The following PTS variants were observed in gnomAD, a reference collection of about 807,000 sequenced individuals.
PTS encodes 6-pyruvoyltetrahydropterin synthase, also known as 6-pyruvoyl tetrahydrobiopterin synthase.
A neutral mutation model predicts 20.6 loss-of-function variants in PTS; 23 were observed. That is an observed-to-expected ratio of 1.12 (90% CI 0.80 to 1.58). The LOEUF is 1.58. Among genes scored for constraint, PTS ranks in the 40% most tolerant of loss-of-function variants. The pLI, the probability that PTS is intolerant of heterozygous loss-of-function variation, is 0.00. For missense variants in PTS, 186 were observed against 182.4 expected, an observed-to-expected ratio of 1.02 and a Z score of -0.11; for synonymous variants, 65 against 62.5, an observed-to-expected ratio of 1.04 and a Z score of -0.19.
intron 4 of PTS, among the ~76,000 whole-genome samples, chr11:112,231,358 G>T (rs1859928426): frequency 6.6e-6 from 1 of 152,156 alleles, no homozygotes; most frequent in Non-Finnish European, 1.5e-5. Flanking sequence ...TAGAATTCTT[G>T]CACTGTAAGA....
chr11:112,230,116 C>G, intron 2 of PTS, 92 bp from the exon 3 acceptor site: 1 of 1,214,700 alleles, frequency 8.2e-7, no homozygotes, highest in Non-Finnish European at 1.2e-6. Context: ...ATTTATGTTG[C>G]CAACTTGTGC....
At chr11:112,233,119 T>G in intron 4 of PTS, 44 bp from the exon 5 acceptor site, 1 of 1,555,404 alleles carries the variant, frequency 6.4e-7, no homozygotes, top group Non-Finnish European at 8.9e-7. Flanking sequence ...GGAATTTGAG[T>G]CGTAAATGGA....
intron 4 of PTS, 141 bp from the exon 5 acceptor site, chr11:112,233,022 C>T (rs1052944573): frequency 1.1e-6 from 1 of 871,282 alleles, no homozygotes; most frequent in African/African-American, 1.7e-5. Context: ...GTAAAGTTGC[C>T]TTGTAAGACT....
rs1213277062 is a variant in PTS at position 112,226,469 on chromosome 11, G to T, written c.26G>T (p.Arg9Leu). The T allele has an allele frequency of 1.3e-6, 2 of 1,581,080 alleles. No homozygotes were observed. Among genetic ancestry groups the T allele is most frequent in the Non-Finnish European group, 1.7e-6 (2 of 1,165,778 alleles). Residue 9 changes from arginine to leucine, a missense_variant, in exon 1 of 6, where the codon CGC becomes CTC. Physicochemically the swap from Arg to Leu is moderately radical, Grantham distance 102. Coordinates refer to ENST00000280362, the MANE Select transcript of PTS (RefSeq NM_000317.3). ...ATGAGCACGGAAGGTGGTGGCCGTC[G>T]CTGCCAGGCACAAGTGTCCCGCCGC... MSTEGGGR[R>L]CQAQVSRRIS...
chr11:112,228,872 A>C (rs1392656618), intron 2 of PTS, 199 bp downstream of exon 2: 2 of 610,510 alleles, frequency 3.3e-6, no homozygotes, highest in East Asian at 5.6e-5. Flanking sequence ...TGCAATGTCA[A>C]CTCTTACAAA....
intron 5 of PTS, 27 bp downstream of exon 5, chr11:112,233,260 G>A (rs1164664592): frequency 5.6e-6 from 9 of 1,599,928 alleles, no homozygotes; most frequent in African/African-American, 1.3e-5. Context: ...CTTGCCTTAT[G>A]TGGATTGTAA....
intron 3 of PTS, 34 bp from the exon 4 acceptor site, chr11:112,230,592 A>G (rs1205771002): frequency 1.9e-6 from 3 of 1,555,044 alleles, no homozygotes. Flanking sequence ...TGGAGAGCCT[A>G]TCACAGTAAT....
chr11:112,227,454 T>C (rs1277973459), intron 1 of PTS, among the ~76,000 whole-genome samples: 1 of 152,166 alleles, frequency 6.6e-6, no homozygotes, highest in Non-Finnish European at 1.5e-5. Context: ...GGGGGTGTGT[T>C]ATTCCATTTT....
chr11:112,229,989 C>G, intron 2 of PTS: 1 of 596,022 alleles, frequency 1.7e-6, no homozygotes, highest in Non-Finnish European at 3.0e-6. Context: ...AACATTCCTA[C>G]TAAGCTCCTT....
At chr11:112,229,896 G>A (rs1324753976) in intron 2 of PTS, among the ~76,000 whole-genome samples, 4 of 152,180 alleles carry the variant, frequency 2.6e-5, no homozygotes, top group African/African-American at 7.2e-5. Context: ...CAGAGACTGA[G>A]CAGCATCTTG....
At position 112,226,435 on chromosome 11, in the gene PTS, G is replaced by T. The variant is rs532103622; in HGVS notation, c.-9G>T. The T allele has an allele frequency of 2.2e-5, 35 of 1,574,180 alleles. No individual in the cohort carries two copies. The highest frequency in any genetic ancestry group is 2.8e-5 in the Non-Finnish European group (33 of 1,161,702). The stretch of plus-strand genomic sequence containing the variant: ...GTGCCGGCCGAGCACCGCAGACAGC[G>T]CCGGGAAGATGAGCACGGAAGGTGG... On this transcript the variant is annotated 5_prime_UTR_variant, in exon 1 of 6. Transcript: ENST00000280362.
At chr11:112,231,313 G>A (rs1398612575) in intron 4 of PTS, among the ~76,000 whole-genome samples, 3 of 152,162 alleles carry the variant, frequency 2.0e-5, no homozygotes, top group African/African-American at 7.2e-5. Context: ...AACACACAAG[G>A]TGTTCAATGA....
intron 2 of PTS, chr11:112,228,983 G>T (rs1231694024): frequency 3.3e-6 from 1 of 306,146 alleles, no homozygotes; most frequent in Non-Finnish European, 6.0e-6. Flanking sequence ...GTTAAAATTA[G>T]ATTTTATTCT....
At chr11:112,233,007 A>G (rs1338816709) in intron 4 of PTS, among the ~76,000 whole-genome samples, 156 bp from the exon 5 acceptor site, 1 of 152,214 alleles carries the variant, frequency 6.6e-6, no homozygotes, top group Non-Finnish European at 1.5e-5. Context: ...ACAACTTGAA[A>G]TTTTGTAAAG....
rs1781758667 is a variant in PTS at position 112,230,211 on chromosome 11, T to A, written c.167T>A (p.Val56Glu). The change falls in exon 3 of 6, where the codon GTG becomes GAG. Residue 56 changes from valine to glutamate, a missense_variant. By Grantham distance (121) the Val-to-Glu change is moderately radical (BLOSUM62 -2). Coordinates refer to ENST00000280362, the MANE Select transcript of PTS (RefSeq NM_000317.3). ...PNGHGHNYKV[V>E]VTVHGEIDPA... ...GTATTTTGTTTTCTTTCCATAGTTG[T>A]GGTGACAGTACATGGAGAGGTATGT... The A allele has an allele frequency of 6.2e-7, 1 of 1,613,650 alleles. No homozygotes were observed. The highest frequency in any genetic ancestry group is 1.7e-5 in the Admixed American group (1 of 60,024).
chr11:112,229,928 T>A (rs569279178), intron 2 of PTS, among the ~76,000 whole-genome samples: 15 of 152,324 alleles, frequency 9.8e-5, no homozygotes, highest in African/African-American at 3.4e-4. Flanking sequence ...TGCATTAACA[T>A]AAGCAGAATT....
In PTS at chr11:112,226,536, G is replaced by C. The variant is rs372809628; in HGVS notation, c.83+10G>C. The C allele has an allele frequency of 1.2e-4, 183 of 1,574,464 alleles. No individual in the cohort carries two copies. Among genetic ancestry groups the C allele is most frequent in the Non-Finnish European group, 1.5e-4 (178 of 1,162,840 alleles). ...GCCACCGATTGTACAGGTAGGGTGT[G>C]CACACAGGTACAGCGGCGGGCGGTG... On this transcript the variant is annotated intron_variant, in intron 1 of 5. Transcript: ENST00000280362.
chr11:112,233,549 A>AT lies in PTS; in HGVS notation c.432_433insT (p.Glu145Ter). ...ACAATAATATTGTGGTTTATAAAGG[A>AT]GAATAGCTATTGGGGTTAGCATTGC... On this transcript the variant is annotated frameshift_variant, in exon 6 of 6. Transcript: ENST00000280362. LOFTEE classifies it high-confidence loss of function. 6.2e-7 allele frequency: 1 copy of AT among 1,613,740 alleles called. No homozygotes were observed. The highest frequency in any genetic ancestry group is 8.5e-7 in the Non-Finnish European group (1 of 1,179,846).
Position 112,233,184 on chromosome 11 carries a change from G to A in PTS, c.265G>A (p.Asp89Asn). ...YMEEAIMQPLDHKNLDMDVPY... is the reference protein window; with the variant it reads ...YMEEAIMQPLNHKNLDMDVPY... ...CTAGGAGGCGATTATGCAGCCCCTT[G>A]ATCATAAGAATCTGGATATGGATGT... The change falls in exon 5 of 6, where the codon GAT becomes AAT. Residue 89 changes from aspartate to asparagine, a missense_variant. By Grantham distance (23) the Asp-to-Asn change is conservative (BLOSUM62 1). Transcript: ENST00000280362. The A allele has an allele frequency of 6.2e-7, 1 of 1,614,060 alleles. No individual in the cohort carries two copies. The highest frequency in any genetic ancestry group is 1.1e-5 in the South Asian group (1 of 91,086).
Sources: allele counts gnomAD v4.1 joint callset (sites outside exome capture counted in the v4.1 genomes callset), GRCh38; gene constraint gnomAD v4.1.1; transcripts MANE v1.5; gene names NCBI Gene and HGNC (gene_info 2026-07-23, HGNC 2026-07-21).